CSMD2: variants seen among roughly 807,000 people sequenced by gnomAD.
CSMD2 encodes CUB and Sushi multiple domains 2.
CSMD2 carries 130 observed loss-of-function variants against 398.5 expected under a neutral mutation model. That is an observed-to-expected ratio of 0.33 (90% CI 0.28 to 0.38). The LOEUF is 0.38. Among genes scored for constraint, CSMD2 ranks in the 10% least tolerant of loss-of-function variants. CSMD2 has a pLI of 1.00. For missense variants in CSMD2, 3,829 were observed against 4,764.9 expected (o/e 0.80, Z 5.78); for synonymous variants, 1,828 against 1,908.5 (o/e 0.96, Z 1.10).
chr1:33,929,092 G>A (rs1008196963), intron 4 of CSMD2, among the ~76,000 whole-genome samples: 1 of 152,048 alleles, frequency 6.6e-6, no homozygotes, highest in Admixed American at 6.6e-5. Context: ...TTGGTCATTG[G>A]CATCCCCACC....
intron 2 of CSMD2, among the ~76,000 whole-genome samples, chr1:34,050,261 T>C (rs1653023229): frequency 6.6e-6 from 1 of 152,198 alleles, no homozygotes; most frequent in Admixed American, 6.5e-5. Context: ...CTGCTTCCAT[T>C]GTAGAAGGAG....
At chr1:33,723,695 AG>A (rs1342316782) in intron 19 of CSMD2, among the ~76,000 whole-genome samples, 2 of 152,182 alleles carry the variant, frequency 1.3e-5, no homozygotes, top group African/African-American at 4.8e-5. Flanking sequence ...CAGTATCTGA[AG>A]GGTGAATGTG....
intron 5 of CSMD2, among the ~76,000 whole-genome samples, chr1:33,894,997 C>T (rs914006477): frequency 2.6e-5 from 4 of 152,212 alleles, no homozygotes; most frequent in Admixed American, 2.6e-4. Flanking sequence ...CCAACCCCAA[C>T]ATCTTTGAGC....
intron 6 of CSMD2, among the ~76,000 whole-genome samples, chr1:33,844,101 C>T (rs923906512): frequency 3.3e-5 from 5 of 152,216 alleles, no homozygotes; most frequent in Non-Finnish European, 5.9e-5. Flanking sequence ...CCGCTGGACC[C>T]CTGACTGAAA....
chr1:33,620,806 CTTTTTTT>C (rs34986869), intron 37 of CSMD2, among the ~76,000 whole-genome samples: 12 of 91,946 alleles, frequency 1.3e-4, no homozygotes, highest in African/African-American at 4.0e-4. Context: ...TGTCCTGGGT[CTTTTTTT>C]TTTTTTTTTT....
chr1:33,583,373 A>G (rs998464078), intron 47 of CSMD2, among the ~76,000 whole-genome samples: 1 of 152,238 alleles, frequency 6.6e-6, no homozygotes, highest in African/African-American at 2.4e-5. Flanking sequence ...TGACCCATTT[A>G]TCTGCTGACA....
In CSMD2 at chr1:34,163,047, A is replaced by G. The variant is rs1225100342; in HGVS notation, c.187+1864T>C. Among the ~76,000 whole-genome samples, 1 of 152,184 alleles carries G rather than the reference A, an allele frequency of 6.6e-6. No individual in the cohort carries two copies. Among genetic ancestry groups the G allele is most frequent in the Non-Finnish European group, 1.5e-5 (1 of 68,016 alleles). On this transcript the variant is annotated intron_variant, in intron 1 of 70. Coordinates refer to ENST00000373381, the MANE Select transcript of CSMD2 (RefSeq NM_001281956.2). The surrounding 1 kb of genome is among the most constrained non-coding windows in gnomAD (Gnocchi z 5.4). ...ATAGGGCAGGATTCCAGCACCGCTG[A>G]GCGGTGCAAGCGCCGGTGAGTCGGC...
In CSMD2 at chr1:34,125,507, CTGTGTGTGTG is replaced by C. The variant is rs35436778; in HGVS notation, c.188-36324_188-36315del. ...CAAGCACACTTCCCATCAACCTTGG[CTGTGTGTGTG>C]TGTGTGTGTGTGTGTGTGTGTGTGT... On this transcript the variant is annotated intron_variant, in intron 1 of 70. Coordinates refer to ENST00000373381, the MANE Select transcript of CSMD2 (RefSeq NM_001281956.2). Among the ~76,000 whole-genome samples, 644 of 141,198 alleles carry C rather than the reference CTGTGTGTGTG, an allele frequency of 4.6e-3. 4 individuals are homozygous for C. The highest frequency in any genetic ancestry group is 0.016 in the African/African-American group (595 of 37,732). 92.6% of individuals were successfully genotyped at this position (141,198 alleles called of 152,430 possible).
At position 33,877,883 on chromosome 1, in the gene CSMD2, T is replaced by C. The variant is rs575322219; in HGVS notation, c.921-30887A>G. On this transcript the variant is annotated intron_variant, in intron 5 of 70. Transcript: ENST00000373381. The stretch of plus-strand genomic sequence containing the variant: ...AAGGGAGGGGCTCCTGCAGCTATAC[T>C]GGTACAAGCTGAGCTTGCCCCTTTC... Among the ~76,000 whole-genome samples the C allele has an allele frequency of 7.9e-5, 12 of 152,252 alleles. No individual in the cohort carries two copies. In the East Asian group the frequency reaches 2.3e-3, roughly 29 times the overall value.
intron 1 of CSMD2, among the ~76,000 whole-genome samples, chr1:34,091,963 T>C (rs2148376716): frequency 6.6e-6 from 1 of 152,252 alleles, no homozygotes; most frequent in Non-Finnish European, 1.5e-5. Context: ...GATACATTAA[T>C]ATACCTAGAA....
At chr1:33,989,808 C>T (rs1264327157) in intron 3 of CSMD2, among the ~76,000 whole-genome samples, 1 of 152,044 alleles carries the variant, frequency 6.6e-6, no homozygotes, top group African/African-American at 2.4e-5. Flanking sequence ...TCTGACGTGA[C>T]AGAAAGCAGA....
Position 33,894,926 on chromosome 1 carries a change from C to T in CSMD2, c.920+23168G>A, listed in dbSNP as rs556590215. Among the ~76,000 whole-genome samples the T allele has an allele frequency of 1.0e-3, 152 of 152,266 alleles. 2 individuals are homozygous for T. Among genetic ancestry groups the T allele is most frequent in the Non-Finnish European group, 8.4e-4 (57 of 68,032 alleles). Reference sequence around the variant, plus strand: ...TCCACAGGGTCCCAAATCCTTTTCCCCCAAGATGCCCCAGGTACTTCTGTG... The same window carrying T: ...TCCACAGGGTCCCAAATCCTTTTCCTCCAAGATGCCCCAGGTACTTCTGTG... On this transcript the variant is annotated intron_variant, in intron 5 of 70. Coordinates refer to ENST00000373381, the MANE Select transcript of CSMD2 (RefSeq NM_001281956.2).
chr1:33,748,388 A>G (rs538027), intron 13 of CSMD2, among the ~76,000 whole-genome samples: 12,129 of 152,226 alleles, frequency 0.08, 548 homozygotes, highest in Admixed American at 0.11. Flanking sequence ...TAGTGACCAG[A>G]CTGTGCTCAT....
At chr1:33,541,796 A>G (rs991876046) in intron 58 of CSMD2, among the ~76,000 whole-genome samples, 1 of 152,210 alleles carries the variant, frequency 6.6e-6, no homozygotes, top group African/African-American at 2.4e-5. Flanking sequence ...TGAGGCTAGG[A>G]CCCAGGGAAA....
In CSMD2 at chr1:33,616,594, A is replaced by G. The variant is rs1008528072; in HGVS notation, c.6016+312T>C. 1.4e-4 allele frequency among the ~76,000 whole-genome samples: 22 copies of G among 152,280 alleles called. No homozygotes were observed. In the East Asian group the frequency reaches 3.1e-3, roughly 21 times the overall value. Reference sequence around the variant, plus strand: ...TCTGTCCCACAAGAAGTCACGGGGGAAGCCCAAAGTGCCTAGAAATTCCAT... The same window carrying G: ...TCTGTCCCACAAGAAGTCACGGGGGGAGCCCAAAGTGCCTAGAAATTCCAT... On this transcript the variant is annotated intron_variant, in intron 39 of 70. Transcript: ENST00000373381.
intron 5 of CSMD2, among the ~76,000 whole-genome samples, chr1:33,890,529 C>A (rs1454831572): frequency 6.6e-6 from 1 of 152,136 alleles, no homozygotes; most frequent in Admixed American, 6.5e-5. Flanking sequence ...CGTGCCCTGC[C>A]TATTCTTTTA....
chr1:33,642,522 A>C (rs1643172135), intron 29 of CSMD2, among the ~76,000 whole-genome samples: 1 of 152,078 alleles, frequency 6.6e-6, no homozygotes, highest in Non-Finnish European at 1.5e-5. Flanking sequence ...AGGAGAGAGA[A>C]CGATTCTGGA....
chr1:33,579,373 T>C (rs1056265637), intron 48 of CSMD2, among the ~76,000 whole-genome samples: 1 of 152,224 alleles, frequency 6.6e-6, no homozygotes, highest in Non-Finnish European at 1.5e-5. Flanking sequence ...GTCACTGACA[T>C]TGGGGCACTC....
At chr1:34,069,156 C>A (rs1311241004) in intron 2 of CSMD2, among the ~76,000 whole-genome samples, 1 of 152,206 alleles carries the variant, frequency 6.6e-6, no homozygotes, top group Non-Finnish European at 1.5e-5. Context: ...CTCTTTGGAA[C>A]CCCTTCTTTT....
Sources: allele counts gnomAD v4.1 joint callset (sites outside exome capture counted in the v4.1 genomes callset), GRCh38; gene constraint gnomAD v4.1.1; non-coding constraint Gnocchi (gnomAD v3.1); transcripts MANE v1.5; gene names NCBI Gene and HGNC (gene_info 2026-07-23, HGNC 2026-07-21).